The following ERI3 variants were observed in gnomAD, a reference collection of about 807,000 sequenced individuals.
ERI3 encodes the protein ERI1 exoribonuclease family member 3.
ERI3 carries 18 observed loss-of-function variants against 44.4 expected under a neutral mutation model. The observed-to-expected ratio is 0.41, with a 90% CI of 0.28 to 0.60. The LOEUF (loss-of-function observed/expected upper bound fraction) is 0.60. Ranked by LOEUF, ERI3 falls within the 20% of genes least tolerant of loss-of-function variation. The probability of loss-of-function intolerance (pLI) is 0.36; values close to 1 mark genes in which losing one functional copy is unlikely to be tolerated. For synonymous variants in ERI3, 183 were observed against 164.8 expected (o/e 1.11, Z -0.84); for missense variants, 294 against 435.5 (o/e 0.68, Z 2.89).
At position 44,228,480 on chromosome 1, in the gene ERI3, T is replaced by C. The variant is rs1316462854; in HGVS notation, c.932-6840A>G. ...TTTTAAATATTAGACTTAATTAGAG[T>C]TTATCACTTCAGAGAAGTATGCGGA... On this transcript the variant is annotated intron_variant, in intron 8 of 8. Transcript: ENST00000372257. The surrounding 1 kb of genome is among the most constrained non-coding windows in gnomAD (Gnocchi z 4.3). Among the ~76,000 whole-genome samples, 1 of 152,198 alleles carries C rather than the reference T, an allele frequency of 6.6e-6. No homozygotes were observed. The highest frequency in any genetic ancestry group is 2.4e-5 in the African/African-American group (1 of 41,442).
Position 44,328,078 on chromosome 1 carries a change from T to C in ERI3, c.490-8334A>G, listed in dbSNP as rs188317326. On this transcript the variant is annotated intron_variant, in intron 3 of 8. Transcript: ENST00000372257. ...GCTGATCTCTTCACAGAATACTGCA[T>C]GCCTGTGGGGTGGTTCATAGATTCC... Among the ~76,000 whole-genome samples the C allele has an allele frequency of 1.6e-4, 25 of 152,310 alleles. 1 individual carries two copies. The highest frequency in any genetic ancestry group is 1.1e-3 in the Admixed American group (17 of 15,300).
chr1:44,292,432 G>A (rs560229771), intron 6 of ERI3, among the ~76,000 whole-genome samples: 1 of 152,292 alleles, frequency 6.6e-6, no homozygotes, highest in African/African-American at 2.4e-5. Context: ...GAGTATCACT[G>A]AGACCCAGGA....
chr1:44,316,766 G>GT (rs141711439), intron 4 of ERI3, among the ~76,000 whole-genome samples: 31 of 151,434 alleles, frequency 2.0e-4, no homozygotes, highest in East Asian at 5.8e-4. Flanking sequence ...TATTTCTCTA[G>GT]TTTTTTTTTC....
At chr1:44,254,423 C>CT (rs1644742310) in intron 7 of ERI3, among the ~76,000 whole-genome samples, 1 of 152,148 alleles carries the variant, frequency 6.6e-6, no homozygotes, top group Admixed American at 6.6e-5. Context: ...TGTCTATCCC[C>CT]TTTTCGGGCT....
At chr1:44,236,353 G>C (rs1644304444) in intron 8 of ERI3, among the ~76,000 whole-genome samples, 1 of 152,200 alleles carries the variant, frequency 6.6e-6, no homozygotes, top group Non-Finnish European at 1.5e-5. Flanking sequence ...AATCTAGTGA[G>C]GGAGACAGGC....
chr1:44,223,913 A>G (rs1490651575), intron 8 of ERI3, among the ~76,000 whole-genome samples: 2 of 152,202 alleles, frequency 1.3e-5, no homozygotes, highest in African/African-American at 4.8e-5. Context: ...TCTACACCAC[A>G]TATTCCTGAA....
intron 8 of ERI3, among the ~76,000 whole-genome samples, chr1:44,229,113 G>A (rs1419490092): frequency 1.3e-5 from 2 of 152,166 alleles, no homozygotes; most frequent in African/African-American, 2.4e-5. Context: ...TGGAGTGGTG[G>A]GAGAAGCTGA....
intron 7 of ERI3, among the ~76,000 whole-genome samples, chr1:44,279,195 C>T (rs565082378): frequency 6.6e-6 from 1 of 152,248 alleles, no homozygotes; most frequent in East Asian, 1.9e-4. Context: ...CACTTCCATG[C>T]TTTAATTATC....
chr1:44,334,645 G>GT (rs1646497379), intron 3 of ERI3, among the ~76,000 whole-genome samples: 1 of 152,206 alleles, frequency 6.6e-6, no homozygotes, highest in Admixed American at 6.5e-5. Flanking sequence ...ATCAAAACAT[G>GT]TAACACAAAT....
At chr1:44,319,413 G>A (rs546432391) in intron 4 of ERI3, among the ~76,000 whole-genome samples, 2 of 152,366 alleles carry the variant, frequency 1.3e-5, no homozygotes, top group East Asian at 3.9e-4. Context: ...TGGGGAAGCA[G>A]GGGTAGACTA....
At chr1:44,263,145 A>G (rs1644926877) in intron 7 of ERI3, among the ~76,000 whole-genome samples, 1 of 152,178 alleles carries the variant, frequency 6.6e-6, no homozygotes. Flanking sequence ...CTCAGCTCCT[A>G]CATCAGAAGG....
chr1:44,262,997 G>A (rs979641367), intron 7 of ERI3, among the ~76,000 whole-genome samples: 1 of 152,048 alleles, frequency 6.6e-6, no homozygotes, highest in East Asian at 1.9e-4. Flanking sequence ...TTCCACTTGG[G>A]GAAATAACCT....
chr1:44,224,690 A>G (rs2154314970), intron 8 of ERI3, among the ~76,000 whole-genome samples: 1 of 152,352 alleles, frequency 6.6e-6, no homozygotes, highest in East Asian at 1.9e-4. Context: ...TACAATTGAT[A>G]GCACAGATGA....
chr1:44,294,582 A>G (rs1645571866), intron 6 of ERI3, among the ~76,000 whole-genome samples: 1 of 152,258 alleles, frequency 6.6e-6, no homozygotes, highest in Non-Finnish European at 1.5e-5. Flanking sequence ...GGAAAGGCAC[A>G]GTGCCCCATC....
chr1:44,329,420 T>C lies in ERI3; in HGVS notation c.489+9625A>G, dbSNP rs186482497. ...AGTCACATTACCTTTCCAGTGAAAG[T>C]AGACCTGATCAAAATGCCATGTTTC... is the stretch of plus-strand genomic sequence containing the variant. On this transcript the variant is annotated intron_variant, in intron 3 of 8. Transcript: ENST00000372257. Among the ~76,000 whole-genome samples the C allele has an allele frequency of 5.3e-5, 8 of 152,320 alleles. No individual in the cohort carries two copies. In the South Asian group the frequency reaches 8.3e-4, roughly 16 times the overall value.
At chr1:44,263,608 C>G (rs558422636) in intron 7 of ERI3, among the ~76,000 whole-genome samples, 4 of 152,360 alleles carry the variant, frequency 2.6e-5, no homozygotes, top group Admixed American at 2.0e-4. Context: ...TCTAAGCAAC[C>G]AGGTGGCTTC....
intron 7 of ERI3, among the ~76,000 whole-genome samples, chr1:44,272,024 G>A (rs866893544): frequency 6.6e-5 from 10 of 152,002 alleles, no homozygotes; most frequent in Non-Finnish European, 8.8e-5. Flanking sequence ...TGGATCTCCC[G>A]TCCCCCTGAC....
chr1:44,292,242 G>A (rs1350485693), intron 6 of ERI3, among the ~76,000 whole-genome samples: 2 of 151,752 alleles, frequency 1.3e-5, no homozygotes, highest in African/African-American at 4.8e-5. Context: ...CTCCACAGCT[G>A]CAAAACAAAT....
intron 7 of ERI3, among the ~76,000 whole-genome samples, chr1:44,279,639 T>C (rs1382329396): frequency 6.6e-6 from 1 of 152,160 alleles, no homozygotes; most frequent in Non-Finnish European, 1.5e-5. Flanking sequence ...AATGACTTCA[T>C]CTTCTTTTCC....
Sources: gnomAD v4.1 joint callset for allele counts (sites outside exome capture counted in the v4.1 genomes callset) on GRCh38, gnomAD v4.1.1 for gene constraint, Gnocchi (gnomAD v3.1) non-coding constraint, MANE v1.5 for transcripts, NCBI Gene and HGNC (gene_info 2026-07-23, HGNC 2026-07-21) for gene names.